The following CSMD1 variants were observed in gnomAD, a reference collection of about 807,000 sequenced individuals.
The protein encoded by CSMD1 is CUB and Sushi multiple domains 1.
Under a neutral mutation model 417.5 loss-of-function variants are expected in CSMD1, and 213 were observed. That is an observed-to-expected ratio of 0.51 (90% confidence interval 0.46 to 0.57). CSMD1 has a LOEUF of 0.57. Among genes scored for constraint, CSMD1 ranks in the 20% least tolerant of loss-of-function variants. The pLI, the probability that CSMD1 is intolerant of heterozygous loss-of-function variation, is 0.00. For missense variants in CSMD1, 6,923 were observed against 4,529.7 expected (o/e 1.53, Z -15.17); for synonymous variants, 2,862 against 1,736.8 (o/e 1.65, Z -16.11).
At chr8:3,384,894 A>T (rs1810893112) in intron 18 of CSMD1, among the ~76,000 whole-genome samples, 1 of 122,228 alleles carries the variant, frequency 8.2e-6, no homozygotes, top group Admixed American at 9.5e-5. Flanking sequence ...AATATATAAT[A>T]TATATTATAT....
At chr8:3,786,975 A>G (rs988729341) in intron 5 of CSMD1, among the ~76,000 whole-genome samples, 1 of 152,164 alleles carries the variant, frequency 6.6e-6, no homozygotes, top group African/African-American at 2.4e-5. Flanking sequence ...CTCATCATCT[A>G]GATTAGATGA....
intron 6 of CSMD1, among the ~76,000 whole-genome samples, chr8:3,753,709 G>A (rs1159380028): frequency 6.6e-6 from 1 of 152,146 alleles, no homozygotes; most frequent in Admixed American, 6.5e-5. Context: ...TTGTTCCAGT[G>A]TATCAAGAAA....
intron 26 of CSMD1, among the ~76,000 whole-genome samples, chr8:3,270,992 T>C (rs1801808091): frequency 6.6e-6 from 1 of 151,970 alleles, no homozygotes; most frequent in African/African-American, 2.4e-5. Flanking sequence ...GTTAGTTACA[T>C]ATGTATACAT....
intron 5 of CSMD1, among the ~76,000 whole-genome samples, chr8:3,761,762 T>C (rs1798016278): frequency 6.6e-6 from 1 of 152,120 alleles, no homozygotes; most frequent in Non-Finnish European, 1.5e-5. Flanking sequence ...TGCTTAGGCC[T>C]CCTAAAGTGC....
rs1796775911 is a variant in CSMD1 at position 4,155,345 on chromosome 8, C to A, written c.416-123246G>T. On this transcript the variant is annotated intron_variant, in intron 3 of 69. Transcript: ENST00000635120. Reference sequence around the variant, plus strand: ...TAGAGTCTCACCTGCATGACTCCCGCAGGGTAAACAGCCACGCTGCTTCTA... The same window carrying A: ...TAGAGTCTCACCTGCATGACTCCCGAAGGGTAAACAGCCACGCTGCTTCTA... Among the ~76,000 whole-genome samples, 3 of 152,156 alleles carry A rather than the reference C, an allele frequency of 2.0e-5. No homozygotes were observed. In the South Asian group the frequency reaches 6.2e-4, roughly 32 times the overall value.
chr8:4,097,269 T>C (rs1801064192), intron 3 of CSMD1, among the ~76,000 whole-genome samples: 3 of 152,188 alleles, frequency 2.0e-5, no homozygotes, highest in Non-Finnish European at 2.9e-5. Context: ...GAAAACTAGA[T>C]TACAGTCTAA....
chr8:4,696,652 T>C (rs184920074), intron 1 of CSMD1, among the ~76,000 whole-genome samples: 2 of 152,364 alleles, frequency 1.3e-5, no homozygotes, highest in Admixed American at 1.3e-4. Context: ...TTTATCTGGT[T>C]TCTCTTTTAT....
intron 5 of CSMD1, among the ~76,000 whole-genome samples, chr8:3,843,873 G>A (rs541772140): frequency 6.6e-6 from 1 of 152,192 alleles, no homozygotes; most frequent in Non-Finnish European, 1.5e-5. Context: ...GACAGATATT[G>A]TGAGTACAAT....
chr8:2,980,538 T>C (rs547132497), intron 54 of CSMD1, among the ~76,000 whole-genome samples: 2 of 152,250 alleles, frequency 1.3e-5, no homozygotes, highest in East Asian at 3.9e-4. Flanking sequence ...CAGCCTCTCT[T>C]AAAGGTTCAC....
intron 2 of CSMD1, among the ~76,000 whole-genome samples, chr8:4,440,088 T>G (rs1431564112): frequency 6.6e-6 from 1 of 152,154 alleles, no homozygotes; most frequent in Admixed American, 6.5e-5. Flanking sequence ...TTAACTGTGT[T>G]AGGATATTGG....
chr8:3,558,367 T>C (rs112896491), intron 10 of CSMD1, among the ~76,000 whole-genome samples: 1,935 of 91,706 alleles, frequency 0.021, 43 homozygotes, highest in South Asian at 0.066. Context: ...CAATGATGAA[T>C]GGTGCCTCAG....
chr8:4,864,482 C>A (rs1459811822), intron 1 of CSMD1, among the ~76,000 whole-genome samples: 2 of 151,744 alleles, frequency 1.3e-5, no homozygotes, highest in South Asian at 4.1e-4. Flanking sequence ...TGCTCAGAAA[C>A]CCTATAACAT....
chr8:3,058,008 T>C (rs13251747), intron 49 of CSMD1, among the ~76,000 whole-genome samples: 27,539 of 152,134 alleles, frequency 0.18, 3,147 homozygotes, highest in Non-Finnish European at 0.26. Context: ...CCCAGTCGGC[T>C]TATTCTCACT....
At chr8:3,230,002 T>G in intron 27 of CSMD1, 38 bp downstream of exon 27, 1 of 1,414,964 alleles carries the variant, frequency 7.1e-7, no homozygotes, top group Non-Finnish European at 9.5e-7. Flanking sequence ...ATGCATCCAT[T>G]CCTGAATATA....
chr8:3,813,792 G>A (rs558193648), intron 5 of CSMD1, among the ~76,000 whole-genome samples: 1 of 152,014 alleles, frequency 6.6e-6, no homozygotes, highest in Non-Finnish European at 1.5e-5. Flanking sequence ...CTCTATTAAT[G>A]TCTTCTGTTA....
intron 1 of CSMD1, among the ~76,000 whole-genome samples, chr8:4,928,320 G>T (rs985534599): frequency 6.6e-6 from 1 of 152,064 alleles, no homozygotes; most frequent in Non-Finnish European, 1.5e-5. Context: ...TTTTTCTACG[G>T]AATTTTTGCC....
intron 3 of CSMD1, among the ~76,000 whole-genome samples, chr8:4,050,489 A>G (rs1317893339): frequency 6.6e-6 from 1 of 152,174 alleles, no homozygotes; most frequent in Admixed American, 6.5e-5. Context: ...TTTTAATTGC[A>G]TCAGGGTAAA....
intron 2 of CSMD1, among the ~76,000 whole-genome samples, chr8:4,601,742 C>G (rs1297172209): frequency 6.6e-6 from 1 of 152,164 alleles, no homozygotes; most frequent in Non-Finnish European, 1.5e-5. Flanking sequence ...TTCCCTGTAG[C>G]TGGAGAAAAA....
intron 3 of CSMD1, among the ~76,000 whole-genome samples, chr8:4,140,154 A>T (rs1803696451): frequency 6.6e-6 from 1 of 150,808 alleles, no homozygotes; most frequent in Admixed American, 6.6e-5. Flanking sequence ...GGGGTTTGCG[A>T]CCAGCCTGAG....
Sources: gnomAD v4.1 joint callset for allele counts (sites outside exome capture counted in the v4.1 genomes callset) on GRCh38, gnomAD v4.1.1 for gene constraint, MANE v1.5 for transcripts, NCBI Gene and HGNC (gene_info 2026-07-23, HGNC 2026-07-21) for gene names.